The following MTSS1 variants were observed in gnomAD, a reference collection of about 807,000 sequenced individuals.
The protein encoded by MTSS1 is protein MTSS 1.
MTSS1 carries 18 observed loss-of-function variants against 79.0 expected under a neutral mutation model. The observed-to-expected ratio is 0.23, with a 90% CI of 0.16 to 0.34. MTSS1 has a LOEUF of 0.34. Ranked by LOEUF, MTSS1 falls within the 10% of genes least tolerant of loss-of-function variation. The pLI is 1.00. For missense variants in MTSS1, 815 were observed against 986.2 expected (o/e 0.83, Z 2.33); for synonymous variants, 341 against 368.6 (o/e 0.93, Z 0.86).
At chr8:124,699,921 T>C (rs1174906727) in intron 2 of MTSS1, among the ~76,000 whole-genome samples, 2 of 152,044 alleles carry the variant, frequency 1.3e-5, no homozygotes, top group Non-Finnish European at 2.9e-5. Context: ...CTGAGGTGGG[T>C]GGATCACTTG....
chr8:124,596,894 A>C (rs1489601996), intron 3 of MTSS1, among the ~76,000 whole-genome samples: 1 of 152,012 alleles, frequency 6.6e-6, no homozygotes, highest in East Asian at 1.9e-4. Context: ...TGTGTGTCTA[A>C]ATTTCCCTCT....
intron 3 of MTSS1, among the ~76,000 whole-genome samples, chr8:124,619,924 C>T (rs1032572951): frequency 5.1e-5 from 7 of 138,366 alleles, no homozygotes; most frequent in Non-Finnish European, 7.6e-5. Context: ...AAAATTACAG[C>T]ACAACTGTTT....
Position 124,660,432 on chromosome 8 carries a change from GCACACACACA to G in MTSS1, c.208+39084_208+39093del, listed in dbSNP as rs5894719. ...TATTTAGAAAGTTGCCCATGCGCAT[GCACACACACA>G]CACACACACACACACACACACACAC... On this transcript the variant is annotated intron_variant, in intron 3 of 13. Transcript: ENST00000518547. 1.0e-2 allele frequency among the ~76,000 whole-genome samples: 1,407 copies of G among 140,792 alleles called. 20 individuals carry two copies. The highest frequency in any genetic ancestry group is 0.035 in the African/African-American group (1,359 of 38,536). 92.4% of individuals were successfully genotyped at this position (140,792 alleles called of 152,430 possible).
At chr8:124,716,287 A>AG (rs34161951) in intron 1 of MTSS1, among the ~76,000 whole-genome samples, 71,954 of 151,976 alleles carry the variant, frequency 0.47, 17,311 homozygotes, top group African/African-American at 0.54. Flanking sequence ...TGAAACAAAG[A>AG]GGGAGGAAGC....
At chr8:124,678,193 A>C (rs1825613334) in intron 3 of MTSS1, among the ~76,000 whole-genome samples, 1 of 152,164 alleles carries the variant, frequency 6.6e-6, no homozygotes, top group Non-Finnish European at 1.5e-5. Context: ...TAGTATACAT[A>C]TTTATGGCAA....
intron 3 of MTSS1, among the ~76,000 whole-genome samples, chr8:124,635,930 A>G (rs1816896607): frequency 6.6e-6 from 1 of 152,080 alleles, no homozygotes; most frequent in South Asian, 2.1e-4. Flanking sequence ...TACATACACC[A>G]AGCACCTGAA....
intron 3 of MTSS1, among the ~76,000 whole-genome samples, chr8:124,657,701 CA>C (rs1821230009): frequency 6.6e-6 from 1 of 152,286 alleles, no homozygotes; most frequent in East Asian, 1.9e-4. Flanking sequence ...AACCAGGATA[CA>C]GGGACCTTCT....
At chr8:124,590,142 A>C (rs1831594682) in intron 4 of MTSS1, among the ~76,000 whole-genome samples, 1 of 152,234 alleles carries the variant, frequency 6.6e-6, no homozygotes, top group Non-Finnish European at 1.5e-5. Flanking sequence ...GGCGAGAGCC[A>C]CCGCGCCTGG....
chr8:124,557,199 C>A (rs1049625098), intron 11 of MTSS1, among the ~76,000 whole-genome samples: 4 of 152,194 alleles, frequency 2.6e-5, no homozygotes, highest in Non-Finnish European at 5.9e-5. Context: ...CACCCCAAAC[C>A]TGCTTTGGGT....
chr8:124,567,048 A>C, intron 8 of MTSS1, 23 bp downstream of exon 8: 1 of 1,564,124 alleles, frequency 6.4e-7, no homozygotes, highest in Non-Finnish European at 8.8e-7. Flanking sequence ...TGATCCTGTA[A>C]GTGCTTAACC....
chr8:124,706,069 A>T (rs1830342005), intron 1 of MTSS1, among the ~76,000 whole-genome samples: 1 of 152,256 alleles, frequency 6.6e-6, no homozygotes, highest in Admixed American at 6.5e-5. Flanking sequence ...GTTAAATGAA[A>T]GTACAATTAA....
chr8:124,611,339 T>C (rs532058349), intron 3 of MTSS1, among the ~76,000 whole-genome samples: 1 of 152,326 alleles, frequency 6.6e-6, no homozygotes, highest in South Asian at 2.1e-4. Flanking sequence ...CAAGCCCCAC[T>C]GAAGGAGAAG....
chr8:124,707,856 A>G (rs954409138), intron 1 of MTSS1, among the ~76,000 whole-genome samples: 6 of 152,204 alleles, frequency 3.9e-5, no homozygotes, highest in Non-Finnish European at 5.9e-5. Context: ...AGCCTGGGCA[A>G]CAGAGCAAGA....
intron 3 of MTSS1, among the ~76,000 whole-genome samples, chr8:124,659,401 T>C (rs1345744456): frequency 6.6e-6 from 1 of 152,212 alleles, no homozygotes; most frequent in African/African-American, 2.4e-5. Flanking sequence ...CATGTGTATA[T>C]AGGGTATGCC....
rs1822418144 is a variant in MTSS1, at chr8:124,550,909, C to T, written c.*2083G>A. On this transcript the variant is annotated 3_prime_UTR_variant, in exon 14 of 14. Coordinates refer to ENST00000518547, the MANE Select transcript of MTSS1 (RefSeq NM_014751.6). ...AACAAAAAACTGCACAGGGAGAGGTCAACTCTCAGTACAAACTAGCAACTA... is the reference window on the plus strand; with the variant it reads ...AACAAAAAACTGCACAGGGAGAGGTTAACTCTCAGTACAAACTAGCAACTA... The T allele has an allele frequency of 6.6e-6, 1 of 152,600 alleles. No homozygotes were observed. The allele number at this position is 152,600 out of a possible 1,614,324, so 9.5% of individuals were successfully genotyped here.
At chr8:124,622,155 C>T (rs1055170588) in intron 3 of MTSS1, among the ~76,000 whole-genome samples, 15 of 151,932 alleles carry the variant, frequency 9.9e-5, no homozygotes, top group African/African-American at 1.5e-4. Context: ...TGCCACAATT[C>T]GGATGAACCT....
At chr8:124,724,338 G>C (rs556026966) in intron 1 of MTSS1, among the ~76,000 whole-genome samples, 17 of 152,284 alleles carry the variant, frequency 1.1e-4, no homozygotes, top group Admixed American at 9.8e-4. Flanking sequence ...AACACAGGTG[G>C]GGGGCGGTGG....
intron 3 of MTSS1, among the ~76,000 whole-genome samples, chr8:124,618,311 T>C (rs1019118168): frequency 2.0e-5 from 3 of 152,144 alleles, no homozygotes; most frequent in Non-Finnish European, 4.4e-5. Flanking sequence ...CATACCAATT[T>C]TTCCCAAGCA....
chr8:124,689,639 G>A (rs970767717), intron 3 of MTSS1, among the ~76,000 whole-genome samples: 1 of 151,440 alleles, frequency 6.6e-6, no homozygotes, highest in African/African-American at 2.4e-5. Context: ...CTAACTACTC[G>A]GGAGGATGAG....
Sources: gnomAD v4.1 joint callset for allele counts (sites outside exome capture counted in the v4.1 genomes callset) on GRCh38, gnomAD v4.1.1 for gene constraint, MANE v1.5 for transcripts, NCBI Gene and HGNC (gene_info 2026-07-23, HGNC 2026-07-21) for gene names.